CAMK1D: variants seen among roughly 807,000 people sequenced by gnomAD.
CAMK1D encodes calcium/calmodulin dependent protein kinase ID, also known as calcium/calmodulin-dependent protein kinase type 1D.
CAMK1D carries 9 observed loss-of-function variants against 47.7 expected under a neutral mutation model. The observed-to-expected ratio is 0.19, with a 90% CI of 0.11 to 0.33. The LOEUF (loss-of-function observed/expected upper bound fraction) is 0.33. CAMK1D is among the 10% of genes least tolerant of loss of function. CAMK1D has a pLI of 1.00. For missense variants in CAMK1D, 291 were observed against 488.7 expected (o/e 0.60, Z 3.81); for synonymous variants, 184 against 184.9 (o/e 0.99, Z 0.04).
At chr10:12,544,636 A>C (rs372491990) in intron 1 of CAMK1D, among the ~76,000 whole-genome samples, 11 of 152,384 alleles carry the variant, frequency 7.2e-5, no homozygotes, top group African/African-American at 2.6e-4. Context: ...TTCTTTCTGC[A>C]CAGGCTTGCA....
intron 1 of CAMK1D, among the ~76,000 whole-genome samples, chr10:12,408,590 GTTTC>G (rs1000502725): frequency 6.6e-5 from 10 of 152,240 alleles, no homozygotes; most frequent in Non-Finnish European, 1.3e-4. Flanking sequence ...CTTGAGAATT[GTTTC>G]TTTCCAGTGC....
At chr10:12,408,543 T>C (rs1280480464) in intron 1 of CAMK1D, among the ~76,000 whole-genome samples, 1 of 152,098 alleles carries the variant, frequency 6.6e-6, no homozygotes, top group African/African-American at 2.4e-5. Flanking sequence ...GTCATGAAAA[T>C]ATTGGAACCA....
chr10:12,819,482 G>A (rs940145176), intron 8 of CAMK1D, among the ~76,000 whole-genome samples: 14 of 152,240 alleles, frequency 9.2e-5, no homozygotes, highest in Admixed American at 2.0e-4. Context: ...CTCACTGCCC[G>A]TGTGGATGAG....
At chr10:12,680,996 C>T (rs1474746504) in intron 3 of CAMK1D, among the ~76,000 whole-genome samples, 2 of 152,120 alleles carry the variant, frequency 1.3e-5, no homozygotes, top group African/African-American at 4.8e-5. Flanking sequence ...AACTTTCTTA[C>T]ATTGACGGCT....
intron 1 of CAMK1D, among the ~76,000 whole-genome samples, chr10:12,379,836 A>G (rs1393499816): frequency 6.6e-6 from 1 of 151,960 alleles, no homozygotes; most frequent in African/African-American, 2.4e-5. Flanking sequence ...GCCAGATACG[A>G]CTCTACTCCT....
intron 2 of CAMK1D, among the ~76,000 whole-genome samples, chr10:12,608,912 G>T (rs369191124): frequency 3.3e-5 from 5 of 152,220 alleles, no homozygotes; most frequent in African/African-American, 1.2e-4. Flanking sequence ...GAAATCACAG[G>T]AGTGGTGCAG....
At chr10:12,582,588 C>G (rs1564426564) in intron 2 of CAMK1D, among the ~76,000 whole-genome samples, 1 of 152,080 alleles carries the variant, frequency 6.6e-6, no homozygotes, top group Non-Finnish European at 1.5e-5. Context: ...GGTCTTTTAC[C>G]TCCTTGGTTA....
chr10:12,607,078 G>A (rs1396423714), intron 2 of CAMK1D, among the ~76,000 whole-genome samples: 5 of 152,078 alleles, frequency 3.3e-5, no homozygotes, highest in Admixed American at 6.6e-5. Flanking sequence ...CACCCACCTC[G>A]GCCTCCCAAA....
intron 1 of CAMK1D, among the ~76,000 whole-genome samples, chr10:12,454,226 G>A (rs1169559555): frequency 2.0e-5 from 3 of 152,300 alleles, no homozygotes; most frequent in Admixed American, 6.5e-5. Flanking sequence ...GCAGTGACGC[G>A]ATTTCAGCTC....
At chr10:12,735,069 G>A (rs910337919) in intron 3 of CAMK1D, among the ~76,000 whole-genome samples, 46 of 152,202 alleles carry the variant, frequency 3.0e-4, no homozygotes, top group African/African-American at 1.1e-3. Flanking sequence ...ATAATGGCTA[G>A]CCTTTGTCAA....
At chr10:12,761,234 A>C (rs1306161454) in intron 4 of CAMK1D, 148 bp downstream of exon 4, 29 of 930,060 alleles carry the variant, frequency 3.1e-5, no homozygotes, top group Non-Finnish European at 4.6e-5. Flanking sequence ...TTGAGTTGTC[A>C]GGGCCTTTGG....
At chr10:12,738,865 A>G (rs1356390708) in intron 3 of CAMK1D, among the ~76,000 whole-genome samples, 1 of 152,100 alleles carries the variant, frequency 6.6e-6, no homozygotes, top group South Asian at 2.1e-4. Context: ...AAATTATTCT[A>G]TAACCACACG....
intron 3 of CAMK1D, among the ~76,000 whole-genome samples, chr10:12,739,100 G>A (rs11812785): frequency 0.54 from 81,962 of 151,612 alleles, 22,420 homozygotes; most frequent in East Asian, 0.69. Flanking sequence ...AGCCAGGCGT[G>A]GTGGTGTGTA....
chr10:12,372,246 A>G (rs1385205299), intron 1 of CAMK1D, among the ~76,000 whole-genome samples: 1 of 152,210 alleles, frequency 6.6e-6, no homozygotes, highest in Non-Finnish European at 1.5e-5. Flanking sequence ...TAAGTGATGC[A>G]TGGCTGTATT....
intron 3 of CAMK1D, among the ~76,000 whole-genome samples, chr10:12,717,856 T>C (rs906908347): frequency 7.2e-6 from 1 of 137,954 alleles, no homozygotes; most frequent in Non-Finnish European, 1.5e-5. Context: ...ATTGCATCAC[T>C]GCACTCCAGC....
At chr10:12,656,697 G>A (rs1361715118) in intron 2 of CAMK1D, among the ~76,000 whole-genome samples, 1 of 152,180 alleles carries the variant, frequency 6.6e-6, no homozygotes, top group Non-Finnish European at 1.5e-5. Flanking sequence ...TGGCTCCTTA[G>A]TTGCCCATTG....
At chr10:12,731,902 C>T (rs1253587783) in intron 3 of CAMK1D, among the ~76,000 whole-genome samples, 1 of 151,940 alleles carries the variant, frequency 6.6e-6, no homozygotes, top group Non-Finnish European at 1.5e-5. Context: ...ACCACAAACC[C>T]GAATGGACGA....
chr10:12,563,021 A>G (rs981749644), intron 2 of CAMK1D, among the ~76,000 whole-genome samples: 1 of 152,232 alleles, frequency 6.6e-6, no homozygotes, highest in Admixed American at 6.5e-5. Flanking sequence ...ATGTAGATAC[A>G]CAAAAAGATT....
At chr10:12,809,523 C>T (rs1832514444) in intron 6 of CAMK1D, among the ~76,000 whole-genome samples, 1 of 152,176 alleles carries the variant, frequency 6.6e-6, no homozygotes, top group African/African-American at 2.4e-5. Flanking sequence ...GTGGTAGATG[C>T]ATATAATGGA....
Sources: allele counts gnomAD v4.1 joint callset (sites outside exome capture counted in the v4.1 genomes callset), GRCh38; gene constraint gnomAD v4.1.1; transcripts MANE v1.5; gene names NCBI Gene and HGNC (gene_info 2026-07-23, HGNC 2026-07-21).